EIF4G3: variants seen among roughly 807,000 people sequenced by gnomAD.
EIF4G3 encodes eIF-4-gamma 3.
A neutral mutation model predicts 186.4 loss-of-function variants in EIF4G3; 34 were observed. The ratio of observed to expected loss-of-function variants is 0.18; its 90% CI spans 0.14 to 0.24. The LOEUF is 0.24. EIF4G3 is among the 10% of genes least tolerant of loss of function. The pLI, the probability that EIF4G3 is intolerant of heterozygous loss-of-function variation, is 1.00. For missense variants in EIF4G3, 1,536 were observed against 1,948.5 expected (o/e 0.79, Z 3.99); for synonymous variants, 673 against 679.5 (o/e 0.99, Z 0.15).
chr1:21,034,280 T>C (rs1374007809), intron 4 of EIF4G3, among the ~76,000 whole-genome samples: 2 of 152,202 alleles, frequency 1.3e-5, no homozygotes, highest in African/African-American at 2.4e-5. Context: ...CTACCACAAA[T>C]ATTGCTCTTA....
chr1:21,051,589 T>G (rs2094215130), intron 3 of EIF4G3, among the ~76,000 whole-genome samples: 1 of 152,218 alleles, frequency 6.6e-6, no homozygotes, highest in Non-Finnish European at 1.5e-5. Context: ...CTGTGGCTTA[T>G]GCCTGTAATC....
intron 6 of EIF4G3, among the ~76,000 whole-genome samples, chr1:21,000,199 GTGT>G (rs1231123609): frequency 2.0e-5 from 3 of 151,210 alleles, no homozygotes; most frequent in Non-Finnish European, 1.5e-5. Context: ...TAGCTTATCA[GTGT>G]TGTTATTATT....
chr1:20,863,378 TAAAAAAAAAAA>T (rs3051243), intron 22 of EIF4G3, among the ~76,000 whole-genome samples: 57 of 102,454 alleles, frequency 5.6e-4, no homozygotes, highest in Non-Finnish European at 6.2e-4. Flanking sequence ...CTACAAAAAG[TAAAAAAAAAAA>T]AAAAAAAAAA....
At chr1:20,829,304 C>T in intron 30 of EIF4G3, 32 bp from the exon 31 acceptor site, 1 of 1,601,548 alleles carries the variant, frequency 6.2e-7, no homozygotes, top group East Asian at 2.2e-5. Context: ...AAATCACATG[C>T]AAATGTAATT....
At position 20,943,967 on chromosome 1, in the gene EIF4G3, ATTTTTT is replaced by A. The variant is rs34883265; in HGVS notation, c.824-1643_824-1638del. 9.2e-3 allele frequency among the ~76,000 whole-genome samples: 601 copies of A among 65,352 alleles called. 13 individuals carry two copies. Among genetic ancestry groups the A allele is most frequent in the South Asian group, 0.021 (44 of 2,094 alleles). The allele number at this position is 65,352 out of a possible 152,430, so 42.9% of individuals were successfully genotyped here. On this transcript the variant is annotated intron_variant, in intron 13 of 36. Transcript: ENST00000602326. ...AAATATTTCAGGAAAACTTGTCTTT[ATTTTTT>A]TTGTGTGTGTGTGTGTGTGTGTGTG...
chr1:20,909,103 G>T (rs2092762003), intron 14 of EIF4G3, among the ~76,000 whole-genome samples: 2 of 151,140 alleles, frequency 1.3e-5, no homozygotes, highest in South Asian at 4.2e-4. Flanking sequence ...AGTGAGCAGA[G>T]ATCACGCCAC....
intron 14 of EIF4G3, among the ~76,000 whole-genome samples, chr1:20,918,485 G>C (rs2094152824): frequency 6.6e-6 from 1 of 151,984 alleles, no homozygotes; most frequent in Non-Finnish European, 1.5e-5. Flanking sequence ...TGGAATTACA[G>C]GCATGAGCCA....
At chr1:21,129,237 C>T (rs2097107045) in intron 2 of EIF4G3, among the ~76,000 whole-genome samples, 2 of 151,960 alleles carry the variant, frequency 1.3e-5, no homozygotes, top group South Asian at 4.2e-4. Flanking sequence ...ATCACTTGAA[C>T]CTGGGAGGCA....
Position 20,853,744 on chromosome 1 carries a change from T to C in EIF4G3, c.3434-67A>G, listed in dbSNP as rs184453511. ...ACTAAAATGCAAATAATCAGTCATC[T>C]GCATCCCTAGGTGAGGCCTGAGACC... On this transcript the variant is annotated intron_variant, in intron 26 of 36. Coordinates refer to ENST00000602326, the MANE Select transcript of EIF4G3 (RefSeq NM_001391906.1). 223 of 1,232,166 alleles carry C rather than the reference T, an allele frequency of 1.8e-4. 1 individual carries two copies. The Middle Eastern group carries it at 2.0e-3, about 11-fold the overall frequency. The allele number at this position is 1,232,166 out of a possible 1,614,324, so 76.3% of individuals were successfully genotyped here. A position where few individuals can be genotyped will look rare whatever the true frequency, so the allele number is the denominator to read the frequency against.
chr1:21,087,673 G>A (rs979567540), intron 3 of EIF4G3, among the ~76,000 whole-genome samples: 5 of 151,558 alleles, frequency 3.3e-5, no homozygotes, highest in Non-Finnish European at 5.9e-5. Flanking sequence ...TCGCTCTGTC[G>A]CCCAGGCTGG....
At chr1:20,808,763 C>A (rs1415614755) in intron 36 of EIF4G3, among the ~76,000 whole-genome samples, 1 of 152,062 alleles carries the variant, frequency 6.6e-6, no homozygotes, top group Non-Finnish European at 1.5e-5. Context: ...GAAACTACAC[C>A]TGTTATTTAC....
intron 7 of EIF4G3, among the ~76,000 whole-genome samples, chr1:20,995,918 C>T (rs533393751): frequency 2.6e-5 from 4 of 152,070 alleles, no homozygotes; most frequent in Non-Finnish European, 5.9e-5. Context: ...TGCCCTAATT[C>T]CTTTGCAGTT....
At chr1:21,085,804 C>T (rs1368174263) in intron 3 of EIF4G3, among the ~76,000 whole-genome samples, 1 of 152,118 alleles carries the variant, frequency 6.6e-6, no homozygotes. Flanking sequence ...AGCAATTCTC[C>T]TGCCTCAGTC....
chr1:21,105,284 G>C (rs916813741), intron 2 of EIF4G3, among the ~76,000 whole-genome samples: 2 of 152,142 alleles, frequency 1.3e-5, no homozygotes, highest in African/African-American at 4.8e-5. Flanking sequence ...ACAAAAATTA[G>C]CCATAGGTGG....
At chr1:21,009,251 G>GCA (rs2086238698) in intron 4 of EIF4G3, among the ~76,000 whole-genome samples, 1 of 152,168 alleles carries the variant, frequency 6.6e-6, no homozygotes, top group Admixed American at 6.6e-5. Context: ...TACCAACACA[G>GCA]CTCACTGCAG....
chr1:21,175,985 TG>T (rs759882312), intron 2 of EIF4G3, 189 bp downstream of exon 2: 2 of 260,176 alleles, frequency 7.7e-6, no homozygotes, highest in Non-Finnish European at 7.2e-6. Context: ...GCAGAGGGTC[TG>T]GGGGTCCCCC....
intron 29 of EIF4G3, among the ~76,000 whole-genome samples, chr1:20,845,340 G>A (rs2070485114): frequency 6.6e-6 from 1 of 152,128 alleles, no homozygotes; most frequent in Non-Finnish European, 1.5e-5. Flanking sequence ...ACCACACCAC[G>A]TTGTTTTGGT....
At chr1:21,003,420 C>T (rs2084138100) in intron 4 of EIF4G3, 1 of 160,996 alleles carries the variant, frequency 6.2e-6, no homozygotes, top group Non-Finnish European at 1.3e-5. Flanking sequence ...CCAGCTAATG[C>T]AACACTTTTT....
intron 4 of EIF4G3, among the ~76,000 whole-genome samples, chr1:21,016,995 A>C (rs2089303212): frequency 6.6e-6 from 1 of 152,072 alleles, no homozygotes; most frequent in South Asian, 2.1e-4. Context: ...GAAACAAAAC[A>C]ATAAATATTT....
Sources: allele counts gnomAD v4.1 joint callset (sites outside exome capture counted in the v4.1 genomes callset), GRCh38; gene constraint gnomAD v4.1.1; transcripts MANE v1.5; gene names NCBI Gene and HGNC (gene_info 2026-07-23, HGNC 2026-07-21).